FBXW4: variants seen among roughly 807,000 people sequenced by gnomAD.
The protein encoded by FBXW4 is F-box and WD repeat domain containing 4, also known as F-box/WD repeat-containing protein 4.
In FBXW4, 40 loss-of-function variants were observed where a neutral mutation model predicts 61.8. The ratio of observed to expected loss-of-function variants is 0.65; its 90% CI spans 0.50 to 0.84. The LOEUF (loss-of-function observed/expected upper bound fraction) is 0.84. Ranked by LOEUF, FBXW4 falls within the 40% of genes least tolerant of loss-of-function variation. The probability of loss-of-function intolerance (pLI) is 0.00; values close to 1 mark genes in which losing one functional copy is unlikely to be tolerated. For synonymous variants in FBXW4, 311 were observed against 313.8 expected (o/e 0.99, Z 0.10); for missense variants, 672 against 753.8 (o/e 0.89, Z 1.27).
intron 7 of FBXW4, 53 bp downstream of exon 7, chr10:101,612,284 C>G (rs1589734422): frequency 6.8e-7 from 1 of 1,463,558 alleles, no homozygotes; most frequent in Non-Finnish European, 9.1e-7. Context: ...GGAGGAAGGA[C>G]CAGGATTGGT....
Position 101,645,570 on chromosome 10 carries a change from A to G in FBXW4, c.1236-20760T>C, listed in dbSNP as rs1019863506. Among the ~76,000 whole-genome samples, 7 of 152,286 alleles carry G rather than the reference A, an allele frequency of 4.6e-5. No homozygotes were observed. The South Asian group carries it at 6.2e-4, about 14-fold the overall frequency. On this transcript the variant is annotated intron_variant, in intron 5 of 8. Transcript: ENST00000331272. Reference sequence around the variant, plus strand: ...CACAAAACAAGATTTTGCCTGGGCAATCCCTGAGCGGGGAACAGACAAAGA... The same window carrying G: ...CACAAAACAAGATTTTGCCTGGGCAGTCCCTGAGCGGGGAACAGACAAAGA...
chr10:101,664,655 A>G (rs991494488), intron 5 of FBXW4, among the ~76,000 whole-genome samples: 1 of 152,238 alleles, frequency 6.6e-6, no homozygotes, highest in African/African-American at 2.4e-5. Flanking sequence ...TGGGGCCAGA[A>G]GGAGCCCAGG....
intron 5 of FBXW4, among the ~76,000 whole-genome samples, chr10:101,645,361 A>T (rs1295691338): frequency 6.6e-6 from 1 of 152,200 alleles, no homozygotes; most frequent in Non-Finnish European, 1.5e-5. Flanking sequence ...TGCTCAGAAC[A>T]ACTGGCTTGG....
intron 5 of FBXW4, among the ~76,000 whole-genome samples, chr10:101,640,484 C>CTTTTTTTTTTTTTTTTTTTTT (rs386372272): frequency 2.6e-4 from 22 of 83,872 alleles, no homozygotes; most frequent in East Asian, 4.1e-4. Context: ...CTTTCTTTCT[C>CTTTTTTTTTTTTTTTTTTTTT]TTTTTTTTTT....
intron 5 of FBXW4, chr10:101,628,056 G>T: frequency 1.2e-6 from 1 of 818,760 alleles, no homozygotes. Flanking sequence ...TGGCTCCTGT[G>T]CTAGGCGTGT....
At chr10:101,649,012 C>A (rs560957096) in intron 5 of FBXW4, among the ~76,000 whole-genome samples, 1 of 152,266 alleles carries the variant, frequency 6.6e-6, no homozygotes, top group Non-Finnish European at 1.5e-5. Context: ...CACAAAGTTA[C>A]CAAGAGCAAT....
At chr10:101,691,220 C>CG (rs1308896417) in intron 1 of FBXW4, among the ~76,000 whole-genome samples, 2 of 152,124 alleles carry the variant, frequency 1.3e-5, no homozygotes, top group African/African-American at 2.4e-5. Flanking sequence ...ACTTTGGGCC[C>CG]GGGTTCGCTG....
intron 6 of FBXW4, among the ~76,000 whole-genome samples, chr10:101,621,971 G>A (rs1411877709): frequency 6.6e-6 from 1 of 152,136 alleles, no homozygotes; most frequent in African/African-American, 2.4e-5. Flanking sequence ...TAAAGGGTGG[G>A]CATTCTCACT....
chr10:101,671,224 G>A (rs2064355884), intron 4 of FBXW4, among the ~76,000 whole-genome samples: 1 of 152,204 alleles, frequency 6.6e-6, no homozygotes, highest in Non-Finnish European at 1.5e-5. Context: ...GCAGCATCCG[G>A]AAAGCCAGGA....
intron 1 of FBXW4, among the ~76,000 whole-genome samples, chr10:101,693,663 T>C (rs1157981169): frequency 2.0e-5 from 3 of 152,220 alleles, no homozygotes; most frequent in Non-Finnish European, 4.4e-5. Flanking sequence ...ATTCCCCCAA[T>C]TCCCTACATG....
intron 5 of FBXW4, among the ~76,000 whole-genome samples, chr10:101,657,807 C>T (rs1003387910): frequency 3.3e-5 from 5 of 152,174 alleles, no homozygotes; most frequent in African/African-American, 1.2e-4. Context: ...TCTGCTGATG[C>T]ATGTATTCTT....
At chr10:101,657,694 G>A (rs1589764077) in intron 5 of FBXW4, among the ~76,000 whole-genome samples, 1 of 140,128 alleles carries the variant, frequency 7.1e-6, no homozygotes, top group East Asian at 2.4e-4. Flanking sequence ...AAAGAGTCTT[G>A]TTCAAGAAAC....
At chr10:101,691,335 T>C (rs2064599440) in intron 1 of FBXW4, among the ~76,000 whole-genome samples, 1 of 152,162 alleles carries the variant, frequency 6.6e-6, no homozygotes, top group Non-Finnish European at 1.5e-5. Flanking sequence ...CGGACCACAC[T>C]GGTAAACATT....
chr10:101,632,008 G>A (rs750012338), intron 5 of FBXW4, among the ~76,000 whole-genome samples: 1 of 152,176 alleles, frequency 6.6e-6, no homozygotes, highest in African/African-American at 2.4e-5. Context: ...ACCTGAAGGT[G>A]AGCGACCTGG....
At chr10:101,616,954 T>C (rs2134803581) in intron 6 of FBXW4, among the ~76,000 whole-genome samples, 1 of 152,282 alleles carries the variant, frequency 6.6e-6, no homozygotes, top group Admixed American at 6.5e-5. Flanking sequence ...CTCCTGGAAA[T>C]CCCGTCTGGT....
At chr10:101,667,416 G>A (rs2064314657) in intron 5 of FBXW4, among the ~76,000 whole-genome samples, 1 of 152,106 alleles carries the variant, frequency 6.6e-6, no homozygotes, top group Non-Finnish European at 1.5e-5. Flanking sequence ...AGCTGGATCT[G>A]GGCCCCAAGC....
intron 1 of FBXW4, among the ~76,000 whole-genome samples, chr10:101,693,073 A>T (rs945896895): frequency 6.6e-5 from 10 of 152,204 alleles, no homozygotes; most frequent in Non-Finnish European, 1.2e-4. Flanking sequence ...ACACATGGGA[A>T]TATATTTATC....
At position 101,612,324 on chromosome 10, in the gene FBXW4, C is replaced by T; in HGVS notation, c.1442+13G>A. ...GGCCCCCACCACCTGTCCTCCCTGC[C>T]CAGCACACTCACCGGACGCTGGTGC... On this transcript the variant is annotated intron_variant, in intron 7 of 8. Coordinates refer to ENST00000331272, the MANE Select transcript of FBXW4 (RefSeq NM_022039.4). 1.3e-6 allele frequency: 2 copies of T among 1,546,420 alleles called. No individual in the cohort carries two copies. The highest frequency in any genetic ancestry group is 8.8e-7 in the Non-Finnish European group (1 of 1,141,856).
At position 101,695,152 on chromosome 10, in the gene FBXW4, A is replaced by ACCG; in HGVS notation, c.-50_-48dup. ...GACGCGGAGCCCAGCCCGAGCCGCCACCGCCGCCGCCCCGGGAGGAGGCGA... is the reference window on the plus strand; with the variant it reads ...GACGCGGAGCCCAGCCCGAGCCGCCACCGCCGCCGCCGCCCCGGGAGGAGGCGA... On this transcript the variant is annotated 5_prime_UTR_variant, in exon 1 of 9. Transcript: ENST00000331272. The surrounding 1 kb of genome is among the most constrained non-coding windows in gnomAD (Gnocchi z 4.2). 1.0e-6 allele frequency: 1 copy of ACCG among 984,388 alleles called. No homozygotes were observed. The highest frequency in any genetic ancestry group is 1.2e-6 in the Non-Finnish European group (1 of 829,790). The allele number at this position is 984,388 out of a possible 1,614,324, so 61.0% of individuals were successfully genotyped here.
Sources: gnomAD v4.1 joint callset for allele counts (sites outside exome capture counted in the v4.1 genomes callset) on GRCh38, gnomAD v4.1.1 for gene constraint, Gnocchi (gnomAD v3.1) non-coding constraint, MANE v1.5 for transcripts, NCBI Gene and HGNC (gene_info 2026-07-23, HGNC 2026-07-21) for gene names.